The following KIZ variants were observed in gnomAD, a reference collection of about 807,000 sequenced individuals.
The protein encoded by KIZ is kizuna centrosomal protein, also known as centrosomal protein kizuna.
A neutral mutation model predicts 79.6 loss-of-function variants in KIZ; 68 were observed. That is an observed-to-expected ratio of 0.85 (90% confidence interval 0.70 to 1.05). KIZ has a LOEUF of 1.05. KIZ is among the 50% of genes least tolerant of loss of function. KIZ has a pLI of 0.00. For synonymous variants in KIZ, 280 were observed against 281.8 expected, an observed-to-expected ratio of 0.99 and a Z score of 0.06; for missense variants, 797 against 800.4, an observed-to-expected ratio of 1.00 and a Z score of 0.05.
chr20:21,170,489 C>T (rs181294780), intron 6 of KIZ, among the ~76,000 whole-genome samples: 97 of 151,688 alleles, frequency 6.4e-4, no homozygotes, highest in African/African-American at 2.1e-3. Context: ...CCTGGGTTCA[C>T]GCCATTCTCC....
At chr20:21,176,738 G>A (rs1227142116) in intron 6 of KIZ, among the ~76,000 whole-genome samples, 1 of 152,048 alleles carries the variant, frequency 6.6e-6, no homozygotes, top group Non-Finnish European at 1.5e-5. Flanking sequence ...GTGCAAGAAA[G>A]GATAGGTAAT....
At position 21,163,112 on chromosome 20, in the gene KIZ, C is replaced by T. The variant is rs1600421474; in HGVS notation, c.1305C>T (p.Ser435=). 1.2e-6 allele frequency: 2 copies of T among 1,613,396 alleles called. No homozygotes were observed. The highest frequency in any genetic ancestry group is 8.5e-7 in the Non-Finnish European group (1 of 1,179,670). Residue 435 remains serine (S), a synonymous_variant, in exon 6 of 13, where the codon AGC becomes AGT. Coordinates refer to ENST00000619189, the MANE Select transcript of KIZ (RefSeq NM_018474.6). ...AAAATTGTATTTTGCAAACCCTAAG[C>T]TCTCCTGATTCAGAAAAGGAATCCT... The part of the protein sequence containing the change: ...TEKNCILQTL[S]SPDSEKESST...
At chr20:21,142,086 TAC>T (rs374469369) in intron 3 of KIZ, among the ~76,000 whole-genome samples, 1 of 148,064 alleles carries the variant, frequency 6.8e-6, no homozygotes, top group South Asian at 2.2e-4. Flanking sequence ...CCCGCACACG[TAC>T]ACACACACTC....
intron 6 of KIZ, among the ~76,000 whole-genome samples, chr20:21,172,238 T>A (rs1342860217): frequency 1.3e-5 from 2 of 152,154 alleles, no homozygotes; most frequent in Non-Finnish European, 2.9e-5. Flanking sequence ...TGTTCTTGCT[T>A]TATGGTACTT....
intron 11 of KIZ, among the ~76,000 whole-genome samples, chr20:21,238,740 G>A: frequency 6.6e-6 from 1 of 152,076 alleles, no homozygotes; most frequent in East Asian, 1.9e-4. Context: ...CCGGAGCGTG[G>A]GCACCTCAAG....
chr20:21,185,535 G>T (rs1023913524), intron 6 of KIZ, among the ~76,000 whole-genome samples: 2 of 148,546 alleles, frequency 1.3e-5, no homozygotes, highest in African/African-American at 5.0e-5. Flanking sequence ...TCAGCCTCCC[G>T]AGTAGCTGGG....
rs2123551999 is a variant in KIZ at position 21,246,520 on chromosome 20, G to T, written c.1966G>T (p.Ala656Ser). ...TGATGACAGTAACTCAGAAATTGAG[G>T]CTGCTTTACGCCCCAGAAACCATAA... ...ESDDSNSEIE[A>S]ALRPRNHNTD... Residue 656 changes from alanine (A) to serine (S), a missense_variant, in exon 13 of 13, where the codon GCT becomes TCT. Coordinates refer to ENST00000619189, the MANE Select transcript of KIZ (RefSeq NM_018474.6). 3 of 1,612,190 alleles carry T rather than the reference G, an allele frequency of 1.9e-6. No homozygotes were observed. The highest frequency in any genetic ancestry group is 2.7e-5 in the African/African-American group (2 of 75,004).
At chr20:21,157,513 T>G (rs2033441267) in intron 4 of KIZ, among the ~76,000 whole-genome samples, 1 of 152,210 alleles carries the variant, frequency 6.6e-6, no homozygotes, top group African/African-American at 2.4e-5. Flanking sequence ...CAGTGTTGTC[T>G]CTTGAATTGG....
intron 3 of KIZ, among the ~76,000 whole-genome samples, chr20:21,140,474 C>CTA (rs1310597857): frequency 6.6e-6 from 1 of 152,156 alleles, no homozygotes; most frequent in Admixed American, 6.5e-5. Context: ...GCCCAGTTCA[C>CTA]TATATAATGC....
intron 6 of KIZ, among the ~76,000 whole-genome samples, chr20:21,179,618 G>T (rs2034570675): frequency 6.6e-6 from 1 of 151,176 alleles, no homozygotes. Context: ...CTAACTTTGT[G>T]CTTGGTTTGT....
chr20:21,225,278 C>T (rs1196285513), intron 9 of KIZ, among the ~76,000 whole-genome samples: 2 of 152,174 alleles, frequency 1.3e-5, no homozygotes, highest in Non-Finnish European at 2.9e-5. Context: ...GAACCGAAAC[C>T]TTGAGCATGC....
chr20:21,189,146 G>A (rs1344492366), intron 6 of KIZ, among the ~76,000 whole-genome samples: 1 of 152,110 alleles, frequency 6.6e-6, no homozygotes, highest in Non-Finnish European at 1.5e-5. Flanking sequence ...CCTGCATGCT[G>A]TTTATGCATC....
intron 9 of KIZ, among the ~76,000 whole-genome samples, chr20:21,224,253 A>G (rs1241215223): frequency 1.3e-5 from 2 of 152,350 alleles, no homozygotes; most frequent in African/African-American, 4.8e-5. Context: ...TGCTGGGATT[A>G]CAGGCTTGAG....
chr20:21,189,345 C>T (rs2035019204), intron 6 of KIZ, among the ~76,000 whole-genome samples: 1 of 152,134 alleles, frequency 6.6e-6, no homozygotes, highest in Non-Finnish European at 1.5e-5. Context: ...CATAGAATTA[C>T]CAAAGAGAGA....
intron 3 of KIZ, among the ~76,000 whole-genome samples, chr20:21,143,902 G>A (rs2032708126): frequency 6.6e-6 from 1 of 152,066 alleles, no homozygotes; most frequent in Non-Finnish European, 1.5e-5. Context: ...TTTTTTGATG[G>A]AAATCCATGG....
intron 7 of KIZ, among the ~76,000 whole-genome samples, chr20:21,212,275 G>C (rs1402887079): frequency 6.6e-6 from 1 of 152,190 alleles, no homozygotes; most frequent in African/African-American, 2.4e-5. Context: ...TAAGTATTGA[G>C]TAGTGAAGAT....
chr20:21,142,083 A>T (rs2032579453), intron 3 of KIZ, among the ~76,000 whole-genome samples: 1 of 151,338 alleles, frequency 6.6e-6, no homozygotes. Context: ...TCTCCCGCAC[A>T]CGTACACACA....
At chr20:21,197,835 T>C (rs936500931) in intron 6 of KIZ, 2 of 152,168 alleles carry the variant, frequency 1.3e-5, no homozygotes, top group Admixed American at 1.3e-4. Flanking sequence ...TCTTTTTTAT[T>C]TTATAGGCTC....
chr20:21,152,481 C>T (rs759501794), intron 4 of KIZ, among the ~76,000 whole-genome samples: 20 of 152,154 alleles, frequency 1.3e-4, no homozygotes, highest in Non-Finnish European at 2.5e-4. Context: ...TGTAGTTCTG[C>T]ATATTTCTTT....
Sources: allele counts gnomAD v4.1 joint callset (sites outside exome capture counted in the v4.1 genomes callset), GRCh38; gene constraint gnomAD v4.1.1; transcripts MANE v1.5; gene names NCBI Gene and HGNC (gene_info 2026-07-23, HGNC 2026-07-21).